Variants in VTCN1 observed in about 807,000 individuals in gnomAD.
The protein encoded by VTCN1 is V-set domain-containing T-cell activation inhibitor 1.
In VTCN1, 26 loss-of-function variants were observed where a neutral mutation model predicts 26.5. The observed-to-expected ratio is 0.98, with a 90% CI of 0.72 to 1.36. VTCN1 has a LOEUF of 1.36. VTCN1 is among the 40% of genes most tolerant of loss of function. VTCN1 has a pLI of 0.00. For missense variants in VTCN1, 298 were observed against 337.7 expected, an observed-to-expected ratio of 0.88 and a Z score of 0.92; for synonymous variants, 116 against 130.7, an observed-to-expected ratio of 0.89 and a Z score of 0.77.
At chr1:117,186,582 G>A (rs1428351500) in intron 1 of VTCN1, among the ~76,000 whole-genome samples, 1 of 152,194 alleles carries the variant, frequency 6.6e-6, no homozygotes, top group Non-Finnish European at 1.5e-5. Flanking sequence ...TTATTGTGAA[G>A]GAAAAGAAAT....
intron 1 of VTCN1, among the ~76,000 whole-genome samples, chr1:117,171,299 T>C (rs1652905960): frequency 6.6e-6 from 1 of 152,212 alleles, no homozygotes; most frequent in Non-Finnish European, 1.5e-5. Flanking sequence ...TTGTAAATAG[T>C]GCTGCAATAA....
chr1:117,154,213 T>C (rs1651946819), intron 3 of VTCN1, among the ~76,000 whole-genome samples: 1 of 152,164 alleles, frequency 6.6e-6, no homozygotes, highest in Non-Finnish European at 1.5e-5. Flanking sequence ...GGGAACACGC[T>C]CTTGGGCGAT....
chr1:117,171,878 C>G (rs1206793101), intron 1 of VTCN1, among the ~76,000 whole-genome samples: 1 of 152,070 alleles, frequency 6.6e-6, no homozygotes, highest in Non-Finnish European at 1.5e-5. Context: ...CCAAGTGTAC[C>G]AAGGGTAGGA....
intron 4 of VTCN1, among the ~76,000 whole-genome samples, chr1:117,148,836 C>T (rs775837140): frequency 1.3e-5 from 2 of 152,094 alleles, no homozygotes; most frequent in African/African-American, 2.4e-5. Flanking sequence ...GGGCTACAGC[C>T]GAGACTCCCC....
intron 4 of VTCN1, among the ~76,000 whole-genome samples, chr1:117,150,720 C>G (rs1290062174): frequency 1.3e-5 from 2 of 152,196 alleles, no homozygotes; most frequent in African/African-American, 4.8e-5. Flanking sequence ...ATCATTAGAA[C>G]TTTTTCATTT....
rs1349157300 is a variant in VTCN1 at position 117,183,213 on chromosome 1, T to C, written c.33-13042A>G. Among the ~76,000 whole-genome samples, 1 of 152,210 alleles carries C rather than the reference T, an allele frequency of 6.6e-6. No individual in the cohort carries two copies. The highest frequency in any genetic ancestry group is 1.5e-5 in the Non-Finnish European group (1 of 68,046). On this transcript the variant is annotated intron_variant, in intron 1 of 5. Coordinates refer to ENST00000369458, the MANE Select transcript of VTCN1 (RefSeq NM_024626.4). This position sits in a 1 kb window ranked among gnomAD's most constrained non-coding sequence, Gnocchi z 4.1. ...CTCTGGGTCCCTGACTACGCCAGGC[T>C]GCTTCTTGCCTCCATGCCTTCGTTC...
chr1:117,153,595 A>G (rs1333822605), intron 3 of VTCN1, among the ~76,000 whole-genome samples: 2 of 152,060 alleles, frequency 1.3e-5, no homozygotes, highest in Non-Finnish European at 2.9e-5. Flanking sequence ...CCCTTTGGCC[A>G]ATCACAAACC....
intron 2 of VTCN1, among the ~76,000 whole-genome samples, chr1:117,165,024 G>A (rs113819171): frequency 2.6e-5 from 4 of 152,214 alleles, no homozygotes; most frequent in Non-Finnish European, 5.9e-5. Context: ...TTCTGTATTG[G>A]GGAAAAGTTT....
chr1:117,209,132 G>A (rs983869788), intron 1 of VTCN1, among the ~76,000 whole-genome samples: 2 of 152,180 alleles, frequency 1.3e-5, no homozygotes, highest in Non-Finnish European at 2.9e-5. Flanking sequence ...TGAAACTGCA[G>A]AGCATGAATA....
intron 1 of VTCN1, among the ~76,000 whole-genome samples, chr1:117,208,976 G>C (rs1649230964): frequency 6.6e-6 from 1 of 152,114 alleles, no homozygotes; most frequent in African/African-American, 2.4e-5. Flanking sequence ...GGGTTATTAG[G>C]GTCAAGAGTT....
intron 2 of VTCN1, among the ~76,000 whole-genome samples, chr1:117,166,844 C>A (rs1652639528): frequency 3.4e-5 from 5 of 149,120 alleles, no homozygotes; most frequent in Admixed American, 3.3e-4. Context: ...GTAATCCCAG[C>A]ACTGTGGGAG....
In VTCN1 at chr1:117,154,353, T is replaced by TA. The variant is rs201649755; in HGVS notation, c.446-985dup. Among the ~76,000 whole-genome samples the TA allele has an allele frequency of 8.4e-3, 1,267 of 151,330 alleles. 20 individuals are homozygous for TA. The highest frequency in any genetic ancestry group is 0.028 in the African/African-American group (1,140 of 41,366). ...CTCCTGTGAATACTATCATCCCCAT[T>TA]AAAAAAAAATCAACTTTTAATTTTG... On this transcript the variant is annotated intron_variant, in intron 3 of 5. Transcript: ENST00000369458.
chr1:117,200,459 C>T (rs1406593949), intron 1 of VTCN1, among the ~76,000 whole-genome samples: 2 of 152,126 alleles, frequency 1.3e-5, no homozygotes, highest in Non-Finnish European at 2.9e-5. Flanking sequence ...ATAAGATGAC[C>T]TCCAGCCAGG....
intron 1 of VTCN1, among the ~76,000 whole-genome samples, chr1:117,209,602 A>T (rs895151372): frequency 6.6e-6 from 1 of 152,188 alleles, no homozygotes; most frequent in Non-Finnish European, 1.5e-5. Flanking sequence ...AGCTCCTCTG[A>T]CATAGGTGCT....
At chr1:117,149,462 C>T (rs374744401) in intron 4 of VTCN1, among the ~76,000 whole-genome samples, 7 of 152,034 alleles carry the variant, frequency 4.6e-5, no homozygotes, top group African/African-American at 1.7e-4. Context: ...TTTCCCATTG[C>T]CCCTGCTCCA....
intron 1 of VTCN1, among the ~76,000 whole-genome samples, chr1:117,189,403 T>A (rs1053698186): frequency 6.6e-6 from 1 of 152,216 alleles, no homozygotes; most frequent in African/African-American, 2.4e-5. Flanking sequence ...AAGATTTTCA[T>A]GAGAAGTTGG....
chr1:117,192,102 A>G (rs761900048), intron 1 of VTCN1, among the ~76,000 whole-genome samples: 1 of 152,130 alleles, frequency 6.6e-6, no homozygotes, highest in Non-Finnish European at 1.5e-5. Context: ...GACACATTAT[A>G]ATAAAATAAA....
At chr1:117,193,933 A>G (rs1362529397) in intron 1 of VTCN1, among the ~76,000 whole-genome samples, 1 of 152,148 alleles carries the variant, frequency 6.6e-6, no homozygotes, top group East Asian at 1.9e-4. Context: ...AAAATATAGG[A>G]AAAAAGCTCC....
At chr1:117,184,679 A>G (rs1182718082) in intron 1 of VTCN1, among the ~76,000 whole-genome samples, 1 of 152,086 alleles carries the variant, frequency 6.6e-6, no homozygotes, top group Non-Finnish European at 1.5e-5. Flanking sequence ...GCCCTTCTTC[A>G]TGATGTGTGT....
Sources: allele counts gnomAD v4.1 joint callset (sites outside exome capture counted in the v4.1 genomes callset), GRCh38; gene constraint gnomAD v4.1.1; non-coding constraint Gnocchi (gnomAD v3.1); transcripts MANE v1.5; gene names NCBI Gene and HGNC (gene_info 2026-07-23, HGNC 2026-07-21).